The following TXNRD2 variants were observed in gnomAD, a reference collection of about 807,000 sequenced individuals.
TXNRD2 encodes thioredoxin reductase 2, also known as thioredoxin reductase 2, mitochondrial.
A neutral mutation model predicts 70.8 loss-of-function variants in TXNRD2; 67 were observed. The observed-to-expected ratio is 0.95, with a 90% confidence interval of 0.78 to 1.16. TXNRD2 has a LOEUF of 1.16. Among genes scored for constraint, TXNRD2 ranks in the 50% most tolerant of loss-of-function variants. The pLI, the probability that TXNRD2 is intolerant of heterozygous loss-of-function variation, is 0.00. For missense variants in TXNRD2, 644 were observed against 719.9 expected, an observed-to-expected ratio of 0.89 and a Z score of 1.21; for synonymous variants, 301 against 295.8, an observed-to-expected ratio of 1.02 and a Z score of -0.18.
At chr22:19,903,793 T>C (rs894331575) in intron 8 of TXNRD2, among the ~76,000 whole-genome samples, 2 of 152,194 alleles carry the variant, frequency 1.3e-5, no homozygotes, top group East Asian at 3.8e-4. Context: ...GCCGGGGGCT[T>C]GCTCTGTGGA....
At chr22:19,939,576 A>G (rs552630398) in intron 1 of TXNRD2, among the ~76,000 whole-genome samples, 1 of 152,092 alleles carries the variant, frequency 6.6e-6, no homozygotes, top group South Asian at 2.1e-4. Flanking sequence ...GCAGAAATCT[A>G]TACTAACGAT....
chr22:19,893,363 T>C (rs901912206), intron 11 of TXNRD2, among the ~76,000 whole-genome samples: 18 of 152,272 alleles, frequency 1.2e-4, no homozygotes, highest in Non-Finnish European at 2.1e-4. Flanking sequence ...GACAGGGTGA[T>C]TGGGAAAACT....
chr22:19,899,914 C>A (rs1313034181), intron 8 of TXNRD2, among the ~76,000 whole-genome samples: 1 of 152,222 alleles, frequency 6.6e-6, no homozygotes, highest in Non-Finnish European at 1.5e-5. Context: ...CCCAGCGGGG[C>A]AGCTGCACGT....
chr22:19,898,115 C>T lies in TXNRD2; in HGVS notation c.698G>A (p.Cys233Tyr), dbSNP rs1418549203. Residue 233 changes from cysteine (C) to tyrosine (Y), a missense_variant, in exon 10 of 18, where the codon TGT becomes TAT. Cys to Tyr is a radical substitution (Grantham distance 194). Transcript: ENST00000400521. ...CCCAATCCCGGTGAGGAAGCCAGCA[C>T]ACTCCAGGGCCACATCTGTGGGGTG... ...VVGASYVALE[C>Y]AGFLTGIGLD... 6.4e-7 allele frequency: 1 copy of T among 1,563,926 alleles called. No homozygotes were observed. The highest frequency in any genetic ancestry group is 8.7e-7 in the Non-Finnish European group (1 of 1,154,382).
At chr22:19,939,812 C>A (rs1295835697) in intron 1 of TXNRD2, among the ~76,000 whole-genome samples, 1 of 152,006 alleles carries the variant, frequency 6.6e-6, no homozygotes, top group Middle Eastern at 3.2e-3. Context: ...TCCTTTAAGA[C>A]AAATAAAAAG....
intron 11 of TXNRD2, among the ~76,000 whole-genome samples, chr22:19,886,323 C>T (rs760476321): frequency 2.0e-5 from 3 of 152,370 alleles, no homozygotes. Context: ...CCCTGAGCCC[C>T]ACTATGGGTC....
At chr22:19,923,659 A>G (rs1941002436) in intron 2 of TXNRD2, among the ~76,000 whole-genome samples, 1 of 151,940 alleles carries the variant, frequency 6.6e-6, no homozygotes, top group Non-Finnish European at 1.5e-5. Flanking sequence ...AAAATTAGCC[A>G]GGTGTGGTGG....
chr22:19,937,667 C>T (rs557738442), intron 1 of TXNRD2, among the ~76,000 whole-genome samples: 19 of 152,244 alleles, frequency 1.2e-4, no homozygotes, highest in Non-Finnish European at 1.6e-4. Context: ...TTGGAGCCTG[C>T]TATAATTGTG....
At chr22:19,935,349 C>T (rs1040509066) in intron 1 of TXNRD2, among the ~76,000 whole-genome samples, 6 of 152,136 alleles carry the variant, frequency 3.9e-5, no homozygotes, top group African/African-American at 7.2e-5. Context: ...GAAAAAACTC[C>T]GTCCTGGTAA....
At chr22:19,898,947 G>T in intron 9 of TXNRD2, 102 bp downstream of exon 9, 2 of 1,471,838 alleles carry the variant, frequency 1.4e-6, no homozygotes, top group Non-Finnish European at 1.9e-6. Context: ...GTGCCGATCT[G>T]AGGCAGCAAA....
At chr22:19,913,718 A>G (rs549240957) in intron 7 of TXNRD2, among the ~76,000 whole-genome samples, 22 of 152,350 alleles carry the variant, frequency 1.4e-4, no homozygotes, top group Admixed American at 3.9e-4. Flanking sequence ...AGGAAGGACC[A>G]ACGAGGCCCT....
intron 1 of TXNRD2, among the ~76,000 whole-genome samples, chr22:19,939,017 A>T (rs765991140): frequency 1.3e-5 from 2 of 151,976 alleles, no homozygotes; most frequent in Non-Finnish European, 2.9e-5. Context: ...TCATGGAAAA[A>T]CTCCCAAACC....
chr22:19,931,632 T>C (rs561491230), intron 1 of TXNRD2, among the ~76,000 whole-genome samples: 1 of 152,204 alleles, frequency 6.6e-6, no homozygotes, highest in East Asian at 1.9e-4. Flanking sequence ...GCCTCCAGAA[T>C]AGCTGGGACT....
intron 12 of TXNRD2, among the ~76,000 whole-genome samples, chr22:19,882,965 C>A (rs138981489): frequency 1.3e-5 from 2 of 152,360 alleles, no homozygotes; most frequent in Admixed American, 6.5e-5. Context: ...GACAGGACGG[C>A]CCCAAGGCCA....
chr22:19,899,714 T>C (rs1939685374), intron 8 of TXNRD2, among the ~76,000 whole-genome samples: 1 of 152,266 alleles, frequency 6.6e-6, no homozygotes, highest in African/African-American at 2.4e-5. Context: ...GCACATGTAC[T>C]CACGCACACT....
chr22:19,915,882 C>A (rs1433025294), intron 5 of TXNRD2, 39 bp from the exon 6 acceptor site: 1 of 1,568,704 alleles, frequency 6.4e-7, no homozygotes, highest in Admixed American at 1.7e-5. Context: ...ACTTCCTCTG[C>A]AAATTAAACC....
At chr22:19,902,400 A>C (rs933011935) in intron 8 of TXNRD2, among the ~76,000 whole-genome samples, 1 of 152,268 alleles carries the variant, frequency 6.6e-6, no homozygotes, top group Non-Finnish European at 1.5e-5. Flanking sequence ...CTAGGCTTAA[A>C]GAGCAATCCA....
intron 8 of TXNRD2, among the ~76,000 whole-genome samples, chr22:19,901,073 G>A (rs1186646284): frequency 6.6e-6 from 1 of 152,220 alleles, no homozygotes; most frequent in Non-Finnish European, 1.5e-5. Context: ...TGCTCTCCGG[G>A]CCTCCTAGCT....
rs986265366 is a variant in TXNRD2 at position 19,877,554 on chromosome 22, G to A, written c.1446-320C>T. On this transcript the variant is annotated intron_variant, in intron 16 of 17. Coordinates refer to ENST00000400521, the MANE Select transcript of TXNRD2 (RefSeq NM_006440.5). ...GCTCTCTGCTTTACCCACAGACAGC[G>A]CATCCTGGCCTCACCACACCACCAC... 2.6e-5 allele frequency among the ~76,000 whole-genome samples: 4 copies of A among 152,104 alleles called. No homozygotes were observed. The East Asian group carries it at 7.7e-4, about 29-fold the overall frequency.
Sources: allele counts gnomAD v4.1 joint callset (sites outside exome capture counted in the v4.1 genomes callset), GRCh38; gene constraint gnomAD v4.1.1; transcripts MANE v1.5; gene names NCBI Gene and HGNC (gene_info 2026-07-23, HGNC 2026-07-21).